The following KIAA1217 variants were observed in gnomAD, a reference collection of about 807,000 sequenced individuals.
KIAA1217 encodes KIAA1217.
In KIAA1217, 88 loss-of-function variants were observed where a neutral mutation model predicts 163.9. The ratio of observed to expected loss-of-function variants is 0.54; its 90% CI spans 0.45 to 0.64. The LOEUF (loss-of-function observed/expected upper bound fraction) is 0.64, where lower values mean the gene tolerates loss of function less well. Ranked by LOEUF, KIAA1217 falls within the 30% of genes least tolerant of loss-of-function variation. The probability of loss-of-function intolerance (pLI) is 0.00; values close to 1 mark genes in which losing one functional copy is unlikely to be tolerated. For synonymous variants in KIAA1217, 903 were observed against 923.1 expected (o/e 0.98, Z 0.39); for missense variants, 2,372 against 2,475.0 (o/e 0.96, Z 0.88).
chr10:24,090,689 AG>A (rs2061907342), intron 2 of KIAA1217, among the ~76,000 whole-genome samples: 2 of 151,774 alleles, frequency 1.3e-5, no homozygotes, highest in Admixed American at 1.3e-4. Flanking sequence ...TCTCTGTAAA[AG>A]TCTGCAAATG....
intron 1 of KIAA1217, among the ~76,000 whole-genome samples, chr10:23,962,096 T>C (rs776743397): frequency 3.9e-5 from 6 of 152,224 alleles, no homozygotes; most frequent in Non-Finnish European, 5.9e-5. Context: ...ATTTAACCCA[T>C]TACAAATGTG....
chr10:23,956,355 A>G (rs72771463), intron 1 of KIAA1217, among the ~76,000 whole-genome samples: 9,167 of 152,220 alleles, frequency 0.06, 422 homozygotes, highest in Non-Finnish European at 0.092. Context: ...ATTGTGTATC[A>G]TAGGAATTGC....
intron 2 of KIAA1217, among the ~76,000 whole-genome samples, chr10:24,352,947 C>T (rs911189252): frequency 1.3e-5 from 2 of 151,836 alleles, no homozygotes; most frequent in Admixed American, 6.6e-5. Context: ...CAGGTCAGTT[C>T]CTTATGGGCT....
chr10:24,051,976 T>C (rs1305157278), intron 2 of KIAA1217, among the ~76,000 whole-genome samples: 2 of 152,202 alleles, frequency 1.3e-5, no homozygotes, highest in Non-Finnish European at 2.9e-5. Flanking sequence ...CATTTATTTA[T>C]CTTTGTTTTT....
At chr10:23,895,231 C>A (rs532647644) in intron 1 of KIAA1217, among the ~76,000 whole-genome samples, 1 of 151,964 alleles carries the variant, frequency 6.6e-6, no homozygotes, top group East Asian at 1.9e-4. Context: ...AAAATTTTCA[C>A]AAACTATTCA....
chr10:23,937,304 G>T (rs1412889653), intron 1 of KIAA1217, among the ~76,000 whole-genome samples: 2 of 152,156 alleles, frequency 1.3e-5, no homozygotes, highest in Non-Finnish European at 2.9e-5. Context: ...AATCCCTTGG[G>T]TTGGAGAGTA....
rs1484243329 is a variant in KIAA1217, at chr10:23,789,908, T to TACATATGCATATACATGTATATATAC, written c.-321+94681_-321+94706dup. On this transcript the variant is annotated intron_variant, in intron 1 of 18. Coordinates refer to the KIAA1217 transcript ENST00000376462. ...ATATCATATATATGATATATACATA[T>TACATATGCATATACATGTATATATAC]ACATATGCATATACATGTATATATA... is the stretch of plus-strand genomic sequence containing the variant. Among the ~76,000 whole-genome samples, 149 of 141,416 alleles carry TACATATGCATATACATGTATATATAC rather than the reference T, an allele frequency of 1.1e-3. 24 individuals carry two copies. The highest frequency in any genetic ancestry group is 3.2e-3 in the African/African-American group (118 of 36,432). 92.8% of individuals were successfully genotyped at this position (141,416 alleles called of 152,430 possible).
chr10:24,498,458 C>T (rs1177373427), intron 8 of KIAA1217, among the ~76,000 whole-genome samples: 1 of 152,094 alleles, frequency 6.6e-6, no homozygotes. Context: ...GGAGCTATGA[C>T]ATGTACCAAA....
intron 1 of KIAA1217, among the ~76,000 whole-genome samples, chr10:23,761,515 G>A (rs1834259030): frequency 6.6e-6 from 1 of 152,024 alleles, no homozygotes; most frequent in Admixed American, 6.6e-5. Context: ...ATTATTACGG[G>A]AGTCATTCAG....
At chr10:23,752,072 G>A (rs903623651) in intron 1 of KIAA1217, among the ~76,000 whole-genome samples, 2 of 152,094 alleles carry the variant, frequency 1.3e-5, no homozygotes, top group African/African-American at 2.4e-5. Context: ...GTCGTTTCTG[G>A]GTGTTTGTGA....
At chr10:24,435,342 A>T (rs937264195) in intron 4 of KIAA1217, among the ~76,000 whole-genome samples, 6 of 152,264 alleles carry the variant, frequency 3.9e-5, no homozygotes, top group African/African-American at 1.4e-4. Context: ...CACAAAGCGT[A>T]AACTTGAAAC....
chr10:23,864,113 A>T (rs1840075164), intron 1 of KIAA1217, among the ~76,000 whole-genome samples: 1 of 149,768 alleles, frequency 6.7e-6, no homozygotes, highest in Non-Finnish European at 1.5e-5. Context: ...TTCCTACTTT[A>T]CAGAAAAGGC....
intron 5 of KIAA1217, among the ~76,000 whole-genome samples, chr10:24,452,196 C>T (rs2061423110): frequency 6.6e-6 from 1 of 152,096 alleles, no homozygotes; most frequent in African/African-American, 2.4e-5. Flanking sequence ...TCTCTGCTTG[C>T]ATGTGGTTTG....
At chr10:23,797,623 C>T (rs960527100) in intron 1 of KIAA1217, among the ~76,000 whole-genome samples, 3 of 152,130 alleles carry the variant, frequency 2.0e-5, no homozygotes, top group African/African-American at 4.8e-5. Context: ...GAAGCAAGCA[C>T]GTTTTCACAG....
intron 1 of KIAA1217, among the ~76,000 whole-genome samples, chr10:23,820,093 G>GT (rs1274500614): frequency 2.0e-5 from 3 of 152,264 alleles, no homozygotes; most frequent in African/African-American, 7.2e-5. Context: ...ATTACGTAGG[G>GT]TATGTGTGTA....
intron 2 of KIAA1217, among the ~76,000 whole-genome samples, chr10:24,366,335 C>T (rs2050778206): frequency 1.3e-5 from 2 of 152,090 alleles, no homozygotes; most frequent in Non-Finnish European, 2.9e-5. Flanking sequence ...ATCCCAGCTA[C>T]TCCGGAGGCT....
chr10:24,309,349 C>T (rs887745470), intron 2 of KIAA1217, among the ~76,000 whole-genome samples: 58 of 124,826 alleles, frequency 4.6e-4, no homozygotes, highest in Admixed American at 1.1e-3. Context: ...CACGCGCGCG[C>T]GCACACACAC....
At chr10:23,979,205 C>A (rs934373954) in intron 1 of KIAA1217, among the ~76,000 whole-genome samples, 4 of 152,216 alleles carry the variant, frequency 2.6e-5, no homozygotes, top group African/African-American at 9.7e-5. Context: ...TTCTTCCCAA[C>A]ATTCCTTAGA....
chr10:24,303,805 T>C (rs929059511), intron 2 of KIAA1217, among the ~76,000 whole-genome samples: 1 of 151,890 alleles, frequency 6.6e-6, no homozygotes, highest in Non-Finnish European at 1.5e-5. Context: ...CTAACTCTTG[T>C]GTTTGACTTA....
Sources: gnomAD v4.1 joint callset for allele counts (sites outside exome capture counted in the v4.1 genomes callset) on GRCh38, gnomAD v4.1.1 for gene constraint, MANE v1.5 for transcripts, NCBI Gene and HGNC (gene_info 2026-07-23, HGNC 2026-07-21) for gene names.